Variants in FBXL18 observed in about 807,000 individuals in gnomAD.
FBXL18 encodes F-box and leucine rich repeat protein 18, also known as F-box/LRR-repeat protein 18.
In FBXL18, 36 loss-of-function variants were observed where a neutral mutation model predicts 46.0. The ratio of observed to expected loss-of-function variants is 0.78; its 90% CI spans 0.60 to 1.03. The LOEUF (loss-of-function observed/expected upper bound fraction) is 1.03. Among genes scored for constraint, FBXL18 ranks in the 50% least tolerant of loss-of-function variants. The pLI, the probability that FBXL18 is intolerant of heterozygous loss-of-function variation, is 0.00. For synonymous variants in FBXL18, 557 were observed against 465.3 expected, an observed-to-expected ratio of 1.20 and a Z score of -2.54; for missense variants, 977 against 1,004.1, an observed-to-expected ratio of 0.97 and a Z score of 0.36.
intron 3 of FBXL18, among the ~76,000 whole-genome samples, chr7:5,500,192 G>A (rs1584232726): frequency 2.0e-5 from 3 of 151,870 alleles, no homozygotes; most frequent in African/African-American, 7.3e-5. Context: ...TGGCAACAAT[G>A]ATGCACCTGG....
rs147050682 is a variant in FBXL18, at chr7:5,511,717, G to A, written c.18+1940C>T. Among the ~76,000 whole-genome samples, 917 of 150,904 alleles carry A rather than the reference G, an allele frequency of 6.1e-3. 8 individuals are homozygous for A. The highest frequency in any genetic ancestry group is 0.022 in the African/African-American group (889 of 41,098). ...TGAGAGGTGGAGCTTGCAGTGAGCC[G>A]AGATCGCGCCACTGCACTCCAACCT... is the stretch of plus-strand genomic sequence containing the variant. On this transcript the variant is annotated intron_variant, in intron 1 of 4. Coordinates refer to ENST00000382368, the MANE Select transcript of FBXL18 (RefSeq NM_024963.6).
At chr7:5,464,305 C>G (rs1198332168) in intron 4 of FBXL18, among the ~76,000 whole-genome samples, 1 of 151,890 alleles carries the variant, frequency 6.6e-6, no homozygotes, top group African/African-American at 2.4e-5. Flanking sequence ...ATGACAAAAC[C>G]CTGTCTCTAC....
chr7:5,484,937 C>G (rs1454741864), intron 4 of FBXL18, among the ~76,000 whole-genome samples: 1 of 152,064 alleles, frequency 6.6e-6, no homozygotes, highest in African/African-American at 2.4e-5. Context: ...CCATACCCGG[C>G]CATTATTTTT....
At chr7:5,510,431 C>T (rs759310052) in intron 1 of FBXL18, among the ~76,000 whole-genome samples, 7 of 151,066 alleles carry the variant, frequency 4.6e-5, no homozygotes, top group Non-Finnish European at 1.0e-4. Flanking sequence ...CGCCTGTAAT[C>T]CCAGCACTTT....
chr7:5,486,080 A>C (rs1208627356), intron 4 of FBXL18, among the ~76,000 whole-genome samples: 1 of 148,408 alleles, frequency 6.7e-6, no homozygotes, highest in East Asian at 2.0e-4. Flanking sequence ...TAAATAAATA[A>C]ATAAATAAAT....
intron 3 of FBXL18, chr7:5,495,676 T>C (rs1784058448): frequency 3.0e-6 from 1 of 335,720 alleles, no homozygotes. Flanking sequence ...GGATGCGGCC[T>C]CGGAGCATCG....
At chr7:5,490,208 C>T in intron 4 of FBXL18, 1 of 1,340,642 alleles carries the variant, frequency 7.5e-7, no homozygotes, top group Non-Finnish European at 1.0e-6. Context: ...GTCACCTCTC[C>T]CCACCTGCAG....
chr7:5,511,394 C>A (rs1784527410), intron 1 of FBXL18, among the ~76,000 whole-genome samples: 1 of 151,840 alleles, frequency 6.6e-6, no homozygotes, highest in South Asian at 2.1e-4. Context: ...GCCTGACCAA[C>A]ATGGAGAAAC....
chr7:5,492,256 G>A (rs1783946625), intron 3 of FBXL18, among the ~76,000 whole-genome samples: 2 of 150,662 alleles, frequency 1.3e-5, no homozygotes, highest in Admixed American at 1.3e-4. Context: ...CAGAAGGACA[G>A]GCCATGTCTC....
In FBXL18 at chr7:5,501,747, C is replaced by T. The variant is rs1784267863; in HGVS notation, c.522G>A (p.Arg174=). The T allele has an allele frequency of 1.3e-6, 2 of 1,560,950 alleles. No homozygotes were observed. The highest frequency in any genetic ancestry group is 1.7e-6 in the Non-Finnish European group (2 of 1,152,168). The change falls in exon 3 of 5, where the codon CGG becomes CGA. Residue 174 remains arginine (R), a synonymous_variant. Transcript: ENST00000382368. ...GAGTGAACAGCGTCTGCTTGAGCTCCCGCACGCGGCTCAGGGTGGCCTTGC... is the reference window on the plus strand; with the variant it reads ...GAGTGAACAGCGTCTGCTTGAGCTCTCGCACGCGGCTCAGGGTGGCCTTGC... The part of the protein sequence containing the change: ...SECKATLSRV[R]ELKQTLFTPS...
chr7:5,467,144 G>T (rs1334373936), intron 4 of FBXL18, among the ~76,000 whole-genome samples: 1 of 152,142 alleles, frequency 6.6e-6, no homozygotes, highest in Non-Finnish European at 1.5e-5. Context: ...GAGTTCAGGA[G>T]ATCGAGACCA....
intron 4 of FBXL18, among the ~76,000 whole-genome samples, chr7:5,467,754 G>C (rs73337537): frequency 0.021 from 3,119 of 152,140 alleles, 107 homozygotes; most frequent in African/African-American, 0.071. Flanking sequence ...TCACTAAGGA[G>C]AGTCTCTTCT....
chr7:5,502,855 G>A (rs1784302521), intron 2 of FBXL18, among the ~76,000 whole-genome samples: 2 of 151,724 alleles, frequency 1.3e-5, no homozygotes, highest in South Asian at 4.2e-4. Context: ...AAAACGGTTT[G>A]GTGGTGGTTC....
intron 4 of FBXL18, among the ~76,000 whole-genome samples, chr7:5,484,169 GT>G (rs1019418013): frequency 6.6e-6 from 1 of 152,186 alleles, no homozygotes; most frequent in African/African-American, 2.4e-5. Context: ...TCGTGAGGCT[GT>G]TAAGGAGCTG....
chr7:5,480,244 C>G lies in FBXL18; in HGVS notation c.*1531G>C, dbSNP rs1318297269. On this transcript the variant is annotated 3_prime_UTR_variant, in exon 5 of 5. Coordinates refer to ENST00000382368, the MANE Select transcript of FBXL18 (RefSeq NM_024963.6). ...AGGAAGGCGGGCTGGACAAGGGGCC[C>G]TTCACCAAGAGCGGCCAGGGCGGCG... 1.3e-5 allele frequency among the ~76,000 whole-genome samples: 2 copies of G among 151,736 alleles called. No individual in the cohort carries two copies. The highest frequency in any genetic ancestry group is 2.9e-5 in the Non-Finnish European group (2 of 68,022).
chr7:5,459,556 T>C (rs1227782171), intron 4 of FBXL18, among the ~76,000 whole-genome samples: 3 of 151,756 alleles, frequency 2.0e-5, no homozygotes, highest in South Asian at 2.1e-4. Context: ...CTGGCTAACA[T>C]GGTGAAACCC....
chr7:5,458,280 T>C (rs973739996), intron 4 of FBXL18, among the ~76,000 whole-genome samples: 8 of 152,144 alleles, frequency 5.3e-5, no homozygotes, highest in Non-Finnish European at 1.0e-4. Flanking sequence ...TAGAGAGGTT[T>C]CTGGCCACCC....
chr7:5,484,886 G>A (rs1450627329), intron 4 of FBXL18, among the ~76,000 whole-genome samples: 1 of 151,948 alleles, frequency 6.6e-6, no homozygotes. Flanking sequence ...TGATCCACCC[G>A]CCTCAGCCTC....
Position 5,491,334 on chromosome 7 carries a change from C to G in FBXL18, c.1897G>C (p.Val633Leu). The G allele has an allele frequency of 6.2e-7, 1 of 1,611,922 alleles. No homozygotes were observed. Among genetic ancestry groups the G allele is most frequent in the Non-Finnish European group, 8.5e-7 (1 of 1,179,510 alleles). The change falls in exon 4 of 5, where the codon GTG becomes CTG. Residue 633 changes from valine (V) to leucine (L), a missense_variant. Val to Leu is a conservative substitution (Grantham distance 32, BLOSUM62 1). Transcript: ENST00000382368. ...AGGCAGCGAGCCATGAAGGCCAGCACGGCATCGGGCTGGAGGGTGCCGCTG... is the reference window on the plus strand; with the variant it reads ...AGGCAGCGAGCCATGAAGGCCAGCAGGGCATCGGGCTGGAGGGTGCCGCTG... The part of the protein sequence containing the change: ...SRSGTLQPDA[V>L]LAFMARCLQV...
Sources: gnomAD v4.1 joint callset for allele counts (sites outside exome capture counted in the v4.1 genomes callset) on GRCh38, gnomAD v4.1.1 for gene constraint, MANE v1.5 for transcripts, NCBI Gene and HGNC (gene_info 2026-07-23, HGNC 2026-07-21) for gene names.